NPAS3: variants seen among roughly 807,000 people sequenced by gnomAD.
The protein encoded by NPAS3 is neuronal PAS domain protein 3.
NPAS3 carries 14 observed loss-of-function variants against 73.1 expected under a neutral mutation model. The observed-to-expected ratio is 0.19, with a 90% confidence interval of 0.13 to 0.30. The LOEUF is 0.30. Among genes scored for constraint, NPAS3 ranks in the 10% least tolerant of loss-of-function variants. The pLI, the probability that NPAS3 is intolerant of heterozygous loss-of-function variation, is 1.00. For synonymous variants in NPAS3, 620 were observed against 541.5 expected, an observed-to-expected ratio of 1.14 and a Z score of -2.01; for missense variants, 1,096 against 1,250.0, an observed-to-expected ratio of 0.88 and a Z score of 1.86.
At chr14:33,445,432 C>T (rs985488071) in intron 4 of NPAS3, among the ~76,000 whole-genome samples, 8 of 152,210 alleles carry the variant, frequency 5.3e-5, no homozygotes, top group African/African-American at 1.9e-4. Context: ...TGACATGTGC[C>T]TCCAATTTCT....
chr14:32,939,935 C>T (rs1434912950), intron 1 of NPAS3, among the ~76,000 whole-genome samples: 1 of 152,128 alleles, frequency 6.6e-6, no homozygotes, highest in Non-Finnish European at 1.5e-5. Flanking sequence ...AGCAGCTAGG[C>T]CGGGCCGAGC....
chr14:33,476,941 C>T (rs1302175899), intron 4 of NPAS3, among the ~76,000 whole-genome samples: 1 of 152,146 alleles, frequency 6.6e-6, no homozygotes, highest in Non-Finnish European at 1.5e-5. Flanking sequence ...TTCAAAGTAT[C>T]TCTTTCTAAA....
At chr14:33,237,559 G>C (rs954927206) in intron 3 of NPAS3, among the ~76,000 whole-genome samples, 10 of 152,060 alleles carry the variant, frequency 6.6e-5, no homozygotes, top group Admixed American at 2.6e-4. Context: ...ACTAAATGCT[G>C]ATGATGCCCA....
intron 6 of NPAS3, among the ~76,000 whole-genome samples, chr14:33,723,110 C>T (rs1182191398): frequency 6.6e-6 from 1 of 152,150 alleles, no homozygotes. Context: ...GAAAAAGCCA[C>T]ATCATCACAC....
At position 33,738,788 on chromosome 14, in the gene NPAS3, G is replaced by T. The variant is rs147873557; in HGVS notation, c.852+3456G>T. Among the ~76,000 whole-genome samples the T allele has an allele frequency of 2.6e-5, 4 of 152,280 alleles. No homozygotes were observed. The East Asian group carries it at 7.7e-4, about 29-fold the overall frequency. On this transcript the variant is annotated intron_variant, in intron 7 of 11. Coordinates refer to ENST00000356141, the Ensembl canonical transcript of NPAS3. ...CCCTGTTGTTTAGGCCTCACTGTTA[G>T]TCACATAGCATAGCACAGCTCTCAT...
chr14:33,609,180 C>A (rs956126016), intron 5 of NPAS3, among the ~76,000 whole-genome samples: 1 of 152,090 alleles, frequency 6.6e-6, no homozygotes, highest in South Asian at 2.1e-4. Flanking sequence ...AAAAAATGTG[C>A]TTTTTCTGTC....
intron 2 of NPAS3, among the ~76,000 whole-genome samples, chr14:33,145,626 G>A (rs562102521): frequency 1.3e-5 from 2 of 152,256 alleles, no homozygotes; most frequent in South Asian, 4.1e-4. Flanking sequence ...TAGAAGAACA[G>A]CACAGTGTTG....
chr14:32,987,900 CAACT>C (rs1254872544), intron 1 of NPAS3, among the ~76,000 whole-genome samples: 1 of 152,072 alleles, frequency 6.6e-6, no homozygotes, highest in Non-Finnish European at 1.5e-5. Context: ...ATTAAAATAA[CAACT>C]AAACATTCTG....
At chr14:33,213,933 A>G (rs1446235129) in intron 2 of NPAS3, 1 of 152,204 alleles carries the variant, frequency 6.6e-6, no homozygotes, top group Non-Finnish European at 1.5e-5. Context: ...GAATCCTATA[A>G]TGTAATAGGG....
At chr14:33,169,879 G>T (rs1276221042) in intron 2 of NPAS3, among the ~76,000 whole-genome samples, 1 of 152,146 alleles carries the variant, frequency 6.6e-6, no homozygotes, top group Non-Finnish European at 1.5e-5. Flanking sequence ...GACCTTGTCG[G>T]TACCTGATTC....
intron 6 of NPAS3, among the ~76,000 whole-genome samples, chr14:33,725,995 C>T (rs111895165): frequency 3.0e-4 from 45 of 152,290 alleles, no homozygotes; most frequent in African/African-American, 1.0e-3. Flanking sequence ...TATTCTTCCT[C>T]TTTATTTCCC....
chr14:33,597,892 T>C (rs368509033), intron 5 of NPAS3, among the ~76,000 whole-genome samples: 52 of 152,316 alleles, frequency 3.4e-4, no homozygotes, highest in African/African-American at 1.3e-3. Context: ...TCAAGTTTTA[T>C]TTTTTTAAAA....
At chr14:33,319,093 T>C (rs2043328337) in intron 3 of NPAS3, among the ~76,000 whole-genome samples, 1 of 150,942 alleles carries the variant, frequency 6.6e-6, no homozygotes, top group Non-Finnish European at 1.5e-5. Flanking sequence ...GCTTGTCAGT[T>C]GAGTGTGTAG....
chr14:33,073,569 C>T (rs953873420), intron 2 of NPAS3, among the ~76,000 whole-genome samples: 2 of 152,112 alleles, frequency 1.3e-5, no homozygotes, highest in African/African-American at 4.8e-5. Context: ...TTGAGGGTCT[C>T]TTCTTGGAAA....
intron 3 of NPAS3, among the ~76,000 whole-genome samples, chr14:33,285,951 A>G (rs924178714): frequency 6.6e-6 from 1 of 152,092 alleles, no homozygotes; most frequent in Admixed American, 6.6e-5. Flanking sequence ...AACCTTCCCC[A>G]TCCCAACCTA....
chr14:33,346,274 A>G (rs1324132381), intron 3 of NPAS3, among the ~76,000 whole-genome samples: 1 of 151,566 alleles, frequency 6.6e-6, no homozygotes, highest in Admixed American at 6.6e-5. Flanking sequence ...CGTGCCTGTA[A>G]TCTCAGCACT....
intron 4 of NPAS3, among the ~76,000 whole-genome samples, chr14:33,462,263 G>C (rs531295011): frequency 4.3e-4 from 65 of 152,258 alleles, no homozygotes; most frequent in African/African-American, 1.4e-3. Flanking sequence ...CCTATAGCCT[G>C]AAGGCACGAG....
intron 6 of NPAS3, among the ~76,000 whole-genome samples, chr14:33,733,768 TA>T (rs1435961773): frequency 6.6e-6 from 1 of 151,494 alleles, no homozygotes; most frequent in East Asian, 1.9e-4. Flanking sequence ...TCATGCTCTC[TA>T]AAACAAAAAA....
chr14:33,489,467 TA>T (rs1190114802), intron 4 of NPAS3, among the ~76,000 whole-genome samples: 2 of 152,128 alleles, frequency 1.3e-5, no homozygotes, highest in African/African-American at 4.8e-5. Context: ...GCAAAAAAGT[TA>T]TGCAATAAGA....
Sources: allele counts gnomAD v4.1 joint callset (sites outside exome capture counted in the v4.1 genomes callset), GRCh38; gene constraint gnomAD v4.1.1; transcripts MANE v1.5; gene names NCBI Gene and HGNC (gene_info 2026-07-23, HGNC 2026-07-21).